Variants in ARL15 observed in about 807,000 individuals in gnomAD.
ARL15 encodes ADP-ribosylation factor-like protein 15.
Under a neutral mutation model 25.2 loss-of-function variants are expected in ARL15, and 19 were observed. The ratio of observed to expected loss-of-function variants is 0.75; its 90% CI spans 0.53 to 1.10. The LOEUF is 1.10. ARL15 is among the 50% of genes least tolerant of loss of function. The probability of loss-of-function intolerance (pLI) is 0.00; values close to 1 mark genes in which losing one functional copy is unlikely to be tolerated. For synonymous variants in ARL15, 94 were observed against 86.8 expected (o/e 1.08, Z -0.46); for missense variants, 220 against 246.0 (o/e 0.89, Z 0.71).
chr5:53,981,440 C>T (rs1748115477), intron 4 of ARL15, among the ~76,000 whole-genome samples: 3 of 152,116 alleles, frequency 2.0e-5, no homozygotes, highest in Admixed American at 2.0e-4. Context: ...CTGAGTCTTT[C>T]TGGGAGCACA....
intron 4 of ARL15, among the ~76,000 whole-genome samples, chr5:54,036,183 G>A (rs974479539): frequency 6.6e-6 from 1 of 151,684 alleles, no homozygotes; most frequent in African/African-American, 2.4e-5. Flanking sequence ...ATTTTGATCA[G>A]ATATAAGAAA....
intron 4 of ARL15, among the ~76,000 whole-genome samples, chr5:53,928,708 T>C (rs980839246): frequency 6.6e-6 from 1 of 152,184 alleles, no homozygotes; most frequent in African/African-American, 2.4e-5. Context: ...AACAAGGACA[T>C]TGTTATTCCA....
At chr5:54,151,506 T>C (rs892177166) in intron 3 of ARL15, among the ~76,000 whole-genome samples, 4 of 152,100 alleles carry the variant, frequency 2.6e-5, no homozygotes, top group African/African-American at 9.7e-5. Flanking sequence ...CATAATTAAT[T>C]GTGGTAAAAT....
At chr5:53,929,833 G>A (rs1226522226) in intron 4 of ARL15, among the ~76,000 whole-genome samples, 2 of 152,032 alleles carry the variant, frequency 1.3e-5, no homozygotes, top group African/African-American at 4.8e-5. Flanking sequence ...GGAAATAAAG[G>A]TACAGGACAG....
At chr5:53,961,536 GATTTT>G (rs66495333) in intron 4 of ARL15, among the ~76,000 whole-genome samples, 4,579 of 147,822 alleles carry the variant, frequency 0.031, 90 homozygotes, top group Middle Eastern at 0.058. Context: ...CCCATTGATT[GATTTT>G]ATATTTTAAA....
At chr5:54,119,850 C>T (rs996311483) in intron 3 of ARL15, among the ~76,000 whole-genome samples, 2 of 152,120 alleles carry the variant, frequency 1.3e-5, no homozygotes, top group Non-Finnish European at 2.9e-5. Context: ...TCAAATGTTG[C>T]CTACTCCACC....
intron 1 of ARL15, among the ~76,000 whole-genome samples, chr5:54,234,586 T>C (rs1206738325): frequency 6.6e-6 from 1 of 152,228 alleles, no homozygotes; most frequent in Non-Finnish European, 1.5e-5. Flanking sequence ...GGTTGCTTTA[T>C]ACTAATGAAT....
At chr5:53,962,396 A>G (rs1490474830) in intron 4 of ARL15, among the ~76,000 whole-genome samples, 1 of 152,194 alleles carries the variant, frequency 6.6e-6, no homozygotes, top group Non-Finnish European at 1.5e-5. Flanking sequence ...ACATTAATTC[A>G]CTGAGAAAAC....
chr5:54,282,100 C>T (rs1758074611), intron 1 of ARL15, among the ~76,000 whole-genome samples: 1 of 152,184 alleles, frequency 6.6e-6, no homozygotes, highest in Non-Finnish European at 1.5e-5. Flanking sequence ...TAGAATTACT[C>T]AGTCACAAGA....
intron 1 of ARL15, among the ~76,000 whole-genome samples, chr5:54,260,240 C>G (rs1344831524): frequency 6.6e-6 from 1 of 152,174 alleles, no homozygotes; most frequent in Non-Finnish European, 1.5e-5. Flanking sequence ...CAGAGCCACT[C>G]TGAGCTTAAA....
rs182758223 is a variant in ARL15, at chr5:54,125,678, T to C, written c.254-12268A>G. Among the ~76,000 whole-genome samples, 246 of 152,336 alleles carry C rather than the reference T, an allele frequency of 1.6e-3. 1 individual carries two copies. Among genetic ancestry groups the C allele is most frequent in the Admixed American group, 8.0e-3 (123 of 15,306 alleles). Reference sequence around the variant, plus strand: ...AACATCTGTTTTCAATTATTTTGTATGTATTATCTACAAGTGGAACTGCTG... The same window carrying C: ...AACATCTGTTTTCAATTATTTTGTACGTATTATCTACAAGTGGAACTGCTG... On this transcript the variant is annotated intron_variant, in intron 3 of 4. Transcript: ENST00000504924.
intron 4 of ARL15, among the ~76,000 whole-genome samples, chr5:53,940,043 A>G (rs1341692904): frequency 2.0e-5 from 3 of 148,666 alleles, no homozygotes; most frequent in African/African-American, 7.5e-5. Flanking sequence ...CAGAGGCGCG[A>G]TCTCGGCTCA....
intron 3 of ARL15, among the ~76,000 whole-genome samples, chr5:54,141,027 T>G (rs899161332): frequency 5.9e-5 from 9 of 152,198 alleles, no homozygotes. Context: ...TTATTATAAA[T>G]ATAACCAAAA....
At chr5:54,130,863 G>A (rs1753406681) in intron 3 of ARL15, among the ~76,000 whole-genome samples, 1 of 152,186 alleles carries the variant, frequency 6.6e-6, no homozygotes, top group South Asian at 2.1e-4. Flanking sequence ...AGTTGATTTG[G>A]AAACTAGGAA....
chr5:54,165,105 C>T (rs1051202526), intron 2 of ARL15, among the ~76,000 whole-genome samples: 5 of 152,126 alleles, frequency 3.3e-5, no homozygotes, highest in East Asian at 1.9e-4. Flanking sequence ...TACGACTTCA[C>T]ATATAGTACA....
At chr5:54,012,960 C>T (rs531222616) in intron 4 of ARL15, among the ~76,000 whole-genome samples, 7 of 151,902 alleles carry the variant, frequency 4.6e-5, no homozygotes, top group African/African-American at 1.2e-4. Flanking sequence ...CCACCACACC[C>T]GGCTAATTTT....
At chr5:53,964,564 G>T (rs528966444) in intron 4 of ARL15, among the ~76,000 whole-genome samples, 2 of 152,092 alleles carry the variant, frequency 1.3e-5, no homozygotes, top group African/African-American at 2.4e-5. Flanking sequence ...GCTTCACCGT[G>T]TTAGCCAGGA....
At chr5:54,183,362 G>C (rs1755119811) in intron 1 of ARL15, among the ~76,000 whole-genome samples, 1 of 130,294 alleles carries the variant, frequency 7.7e-6, no homozygotes, top group Non-Finnish European at 1.6e-5. Flanking sequence ...AGCATGAAGG[G>C]TTGTTGAATT....
At chr5:54,215,844 C>G (rs1472226683) in intron 1 of ARL15, among the ~76,000 whole-genome samples, 1 of 152,044 alleles carries the variant, frequency 6.6e-6, no homozygotes, top group Non-Finnish European at 1.5e-5. Flanking sequence ...AAGAATGGAT[C>G]CAAGGTGTAA....
Sources: gnomAD v4.1 joint callset for allele counts (sites outside exome capture counted in the v4.1 genomes callset) on GRCh38, gnomAD v4.1.1 for gene constraint, MANE v1.5 for transcripts, NCBI Gene and HGNC (gene_info 2026-07-23, HGNC 2026-07-21) for gene names.